RAD9B: variants seen among roughly 807,000 people sequenced by gnomAD.
RAD9B encodes the protein RAD9 checkpoint clamp component B.
Under a neutral mutation model 48.3 loss-of-function variants are expected in RAD9B, and 41 were observed. The ratio of observed to expected loss-of-function variants is 0.85; its 90% CI spans 0.66 to 1.10. RAD9B has a LOEUF of 1.10. Among genes scored for constraint, RAD9B ranks in the 50% least tolerant of loss-of-function variants. RAD9B has a pLI of 0.00. For synonymous variants in RAD9B, 160 were observed against 157.9 expected (o/e 1.01, Z -0.10); for missense variants, 444 against 485.1 (o/e 0.92, Z 0.80).
chr12:110,528,001 G>A (rs538826846), intron 10 of RAD9B, among the ~76,000 whole-genome samples: 2 of 152,310 alleles, frequency 1.3e-5, no homozygotes, highest in East Asian at 3.9e-4. Flanking sequence ...GAGGGAGACA[G>A]TGGCACAAGG....
In RAD9B at chr12:110,503,876, TG is replaced by T. The variant is rs2063177525; in HGVS notation, c.117+1del. On this transcript the variant is annotated splice_donor_variant, in intron 2 of 10. Coordinates refer to ENST00000409300, the MANE Select transcript of RAD9B (RefSeq NM_001286535.2). LOFTEE classifies it high-confidence loss of function. ...TCTGGCTAGACCCATCTAAAAAAGG[TG>T]TAAGTAAGAAAGTTAACAGATCACG... 6.4e-7 allele frequency: 1 copy of T among 1,552,334 alleles called. No homozygotes were observed. The highest frequency in any genetic ancestry group is 8.7e-7 in the Non-Finnish European group (1 of 1,151,306).
chr12:110,518,708 G>C lies in RAD9B; in HGVS notation c.628G>C (p.Val210Leu), dbSNP rs771809443. 38 of 1,610,662 alleles carry C rather than the reference G, an allele frequency of 2.4e-5. No individual in the cohort carries two copies. In the African/African-American group the frequency reaches 4.5e-4, roughly 19 times the overall value. Reference protein sequence around the residue: ...LSNAVHSEMFVGSDEFDFFQI... With the variant: ...LSNAVHSEMFLGSDEFDFFQI... ...CAATGCTGTACACAGTGAGATGTTTGTTGGCTCAGATGAGTTTGACTTCTT... is the reference window on the plus strand; with the variant it reads ...CAATGCTGTACACAGTGAGATGTTTCTTGGCTCAGATGAGTTTGACTTCTT... The change falls in exon 7 of 11, where the codon GTT (valine) becomes CTT (leucine). Residue 210 changes from valine (V) to leucine (L), a missense_variant. Transcript: ENST00000409300.
At position 110,530,675 on chromosome 12, in the gene RAD9B, G is replaced by A; in HGVS notation, c.*22G>A. On this transcript the variant is annotated 3_prime_UTR_variant, in exon 11 of 11. Coordinates refer to ENST00000409300, the MANE Select transcript of RAD9B (RefSeq NM_001286535.2). Reference sequence around the variant, plus strand: ...CTAATGCTTAATGATGGCTGAGCTGGGCCCCAGCCCAGTGACTGGCTCATT... The same window carrying A: ...CTAATGCTTAATGATGGCTGAGCTGAGCCCCAGCCCAGTGACTGGCTCATT... 6.2e-7 allele frequency: 1 copy of A among 1,613,036 alleles called. No individual in the cohort carries two copies. Among genetic ancestry groups the A allele is most frequent in the Non-Finnish European group, 8.5e-7 (1 of 1,179,338 alleles).
rs2063724461 is a variant in RAD9B at position 110,519,934 on chromosome 12, CTTCT to C, written c.890+21_890+24del. ...CGAAAAAGGTAAGACTGTGTTTTAACTTCTTTATTACTTGGGACAAGCCATCATA... is the reference window on the plus strand; with the variant it reads ...CGAAAAAGGTAAGACTGTGTTTTAACTTATTACTTGGGACAAGCCATCATA... On this transcript the variant is annotated intron_variant, in intron 9 of 10. Coordinates refer to ENST00000409300, the MANE Select transcript of RAD9B (RefSeq NM_001286535.2). The C allele has an allele frequency of 1.2e-6, 2 of 1,606,760 alleles. No individual in the cohort carries two copies. Among genetic ancestry groups the C allele is most frequent in the African/African-American group, 1.3e-5 (1 of 74,690 alleles).
At position 110,517,616 on chromosome 12, in the gene RAD9B, T is replaced by TC. The variant is rs527523149; in HGVS notation, c.596-1058dup. ...TCCAGCTTGGGCAACAGAATGAGAC[T>TC]CCATCTCAAAAAAAAAATAATAAAA... On this transcript the variant is annotated intron_variant, in intron 6 of 10. Transcript: ENST00000409300. Among the ~76,000 whole-genome samples the TC allele has an allele frequency of 3.5e-4, 53 of 151,248 alleles. No individual in the cohort carries two copies. In the East Asian group the frequency reaches 8.9e-3, roughly 25 times the overall value.
chr12:110,521,747 G>A (rs896646850), intron 9 of RAD9B, among the ~76,000 whole-genome samples: 4 of 151,862 alleles, frequency 2.6e-5, no homozygotes, highest in Admixed American at 2.6e-4. Context: ...TAGTAGAGAC[G>A]AGGTTTCACC....
At chr12:110,514,886 T>C (rs979719369) in intron 5 of RAD9B, among the ~76,000 whole-genome samples, 164 bp from the exon 6 acceptor site, 1 of 152,246 alleles carries the variant, frequency 6.6e-6, no homozygotes, top group Non-Finnish European at 1.5e-5. Flanking sequence ...GCTGAAAATA[T>C]AGCAGCTATG....
In RAD9B at chr12:110,503,873, A is replaced by G; in HGVS notation, c.114A>G (p.Lys38=). Residue 38 remains lysine, a synonymous_variant, in exon 2 of 11, where the codon AAA becomes AAG. Transcript: ENST00000409300. ...AGTTCTGGCTAGACCCATCTAAAAAAGGTGTAAGTAAGAAAGTTAACAGAT... is the reference window on the plus strand; with the variant it reads ...AGTTCTGGCTAGACCCATCTAAAAAGGGTGTAAGTAAGAAAGTTAACAGAT... ...SDEFWLDPSK[K]GLALRCVNSS... The G allele has an allele frequency of 6.4e-7, 1 of 1,554,864 alleles. No homozygotes were observed. Among genetic ancestry groups the G allele is most frequent in the Non-Finnish European group, 8.7e-7 (1 of 1,153,008 alleles).
chr12:110,514,747 C>A (rs2063559896), intron 5 of RAD9B, among the ~76,000 whole-genome samples: 2 of 152,150 alleles, frequency 1.3e-5, no homozygotes, highest in Non-Finnish European at 2.9e-5. Flanking sequence ...AGTAACTGGG[C>A]ATACAAAAAC....
At chr12:110,507,510 TAATACATA>T (rs2063329569) in intron 4 of RAD9B, among the ~76,000 whole-genome samples, 1 of 25,708 alleles carries the variant, frequency 3.9e-5, no homozygotes, top group Non-Finnish European at 1.1e-4. Context: ...GTATTAAATA[TAATACATA>T]ATATATGTAT....
At position 110,515,139 on chromosome 12, in the gene RAD9B, C is replaced by T; in HGVS notation, c.578C>T (p.Ser193Phe). The T allele has an allele frequency of 6.5e-7, 1 of 1,537,938 alleles. No individual in the cohort carries two copies. Residue 193 changes from serine to phenylalanine, a missense_variant, in exon 6 of 11, where the codon TCT (serine) becomes TTT (phenylalanine). Transcript: ENST00000409300. ...CCACTGAATTTTTGCCTCAAGAGTT[C>T]TAATGAGGAATCAATGGGTAAAGAT... Reference protein sequence around the residue: ...VTPLNFCLKSSNEESMDLSNA... With the variant: ...VTPLNFCLKSFNEESMDLSNA...
intron 9 of RAD9B, among the ~76,000 whole-genome samples, chr12:110,520,973 C>A (rs536682002): frequency 6.6e-6 from 1 of 151,630 alleles, no homozygotes; most frequent in South Asian, 2.1e-4. Context: ...AATTTCTTTT[C>A]TTTTGGGGGA....
intron 9 of RAD9B, among the ~76,000 whole-genome samples, chr12:110,520,993 C>G (rs922585778): frequency 6.6e-6 from 1 of 151,620 alleles, no homozygotes; most frequent in South Asian, 2.1e-4. Flanking sequence ...AAGAATGATG[C>G]TTTATTGTAA....
Position 110,503,821 on chromosome 12 carries a change from T to C in RAD9B, c.62T>C (p.Val21Ala). The change falls in exon 2 of 11, where the codon GTT becomes GCT. Residue 21 changes from valine (V) to alanine (A), a missense_variant. Val to Ala is a moderately conservative substitution (Grantham distance 64, BLOSUM62 0). Transcript: ENST00000409300. Reference sequence around the variant, plus strand: ...TTCTCCATAGTATTTGGGAAAGCAGTTCAAGCTCTATCACGAATTAGTGAC... The same window carrying C: ...TTCTCCATAGTATTTGGGAAAGCAGCTCAAGCTCTATCACGAATTAGTGAC... ...GSQVKVFGKA[V>A]QALSRISDEF... The C allele has an allele frequency of 6.2e-7, 1 of 1,607,432 alleles. No homozygotes were observed. Among genetic ancestry groups the C allele is most frequent in the South Asian group, 1.1e-5 (1 of 90,024 alleles).
Position 110,531,333 on chromosome 12 carries a change from C to T in RAD9B, c.*680C>T. The T allele has an allele frequency of 2.5e-6, 1 of 400,598 alleles. No homozygotes were observed. The highest frequency in any genetic ancestry group is 4.2e-6 in the Non-Finnish European group (1 of 235,334). 24.8% of individuals were successfully genotyped at this position (400,598 alleles called of 1,614,324 possible). A position where few individuals can be genotyped will look rare whatever the true frequency, so the allele number is the denominator to read the frequency against. On this transcript the variant is annotated 3_prime_UTR_variant, in exon 11 of 11. Transcript: ENST00000409300. ...TCAGCCTCCCGTGCAGCTGGGATTG[C>T]AGGTGCGTGCCACCATGCCTGGCTA...
At position 110,509,451 on chromosome 12, in the gene RAD9B, T is replaced by G. The variant is rs150174222; in HGVS notation, c.388+2758T>G. 1.1e-3 allele frequency among the ~76,000 whole-genome samples: 167 copies of G among 152,144 alleles called. 2 individuals are homozygous for G. The East Asian group carries it at 0.025, about 22-fold the overall frequency. ...ACACCTGGCTAATTTTTAAAAAAAT[T>G]TTAATAGATAACAAGGTCTCACTGT... On this transcript the variant is annotated intron_variant, in intron 4 of 10. Transcript: ENST00000409300.
At chr12:110,524,425 G>A (rs2063873226) in intron 10 of RAD9B, among the ~76,000 whole-genome samples, 1 of 152,106 alleles carries the variant, frequency 6.6e-6, no homozygotes, top group African/African-American at 2.4e-5. Flanking sequence ...AGCTGGGCAT[G>A]GTGGCGGGCG....
At chr12:110,505,181 G>A (rs2063226239) in intron 2 of RAD9B, among the ~76,000 whole-genome samples, 1 of 151,784 alleles carries the variant, frequency 6.6e-6, no homozygotes, top group African/African-American at 2.4e-5. Context: ...ACACCTATAT[G>A]TATGTATATA....
chr12:110,522,421 T>C lies in RAD9B; in HGVS notation c.1125+10T>C, dbSNP rs766903385. Reference sequence around the variant, plus strand: ...TCTGTGTCTCAGAAAGGTAAAAGCATTGAGATTCAACCACATCTCAGTCAA... The same window carrying C: ...TCTGTGTCTCAGAAAGGTAAAAGCACTGAGATTCAACCACATCTCAGTCAA... On this transcript the variant is annotated intron_variant, in intron 10 of 10. Coordinates refer to ENST00000409300, the MANE Select transcript of RAD9B (RefSeq NM_001286535.2). 1 of 1,568,296 alleles carries C rather than the reference T, an allele frequency of 6.4e-7. No homozygotes were observed. The highest frequency in any genetic ancestry group is 8.7e-7 in the Non-Finnish European group (1 of 1,147,442).
Sources: gnomAD v4.1 joint callset for allele counts (sites outside exome capture counted in the v4.1 genomes callset) on GRCh38, gnomAD v4.1.1 for gene constraint, MANE v1.5 for transcripts, NCBI Gene and HGNC (gene_info 2026-07-23, HGNC 2026-07-21) for gene names.